DSCAM: variants seen among roughly 807,000 people sequenced by gnomAD.
DSCAM encodes the protein cell adhesion molecule DSCAM.
DSCAM carries 47 observed loss-of-function variants against 217.7 expected under a neutral mutation model. That is an observed-to-expected ratio of 0.22 (90% CI 0.17 to 0.28). The LOEUF (loss-of-function observed/expected upper bound fraction) is 0.28, where lower values mean the gene tolerates loss of function less well. DSCAM is among the 10% of genes least tolerant of loss of function. DSCAM has a pLI of 1.00. For synonymous variants in DSCAM, 1,056 were observed against 1,015.3 expected, an observed-to-expected ratio of 1.04 and a Z score of -0.76; for missense variants, 2,080 against 2,618.3, an observed-to-expected ratio of 0.79 and a Z score of 4.49.
intron 27 of DSCAM, among the ~76,000 whole-genome samples, chr21:40,069,765 A>T (rs1455806374): frequency 6.6e-6 from 1 of 152,212 alleles, no homozygotes; most frequent in Non-Finnish European, 1.5e-5. Flanking sequence ...AGTCTCATAA[A>T]GTAGCTATTT....
At chr21:40,623,973 G>T (rs2089562785) in intron 3 of DSCAM, among the ~76,000 whole-genome samples, 3 of 152,106 alleles carry the variant, frequency 2.0e-5, no homozygotes, top group Admixed American at 1.3e-4. Flanking sequence ...ATTTTTTTCA[G>T]TGAGTTCACT....
intron 11 of DSCAM, among the ~76,000 whole-genome samples, chr21:40,203,621 T>C (rs572079993): frequency 8.5e-5 from 13 of 152,372 alleles, no homozygotes; most frequent in African/African-American, 3.1e-4. Context: ...TTCTGAATCA[T>C]CTATCAAATG....
chr21:40,218,102 G>C (rs1311481172), intron 11 of DSCAM, among the ~76,000 whole-genome samples: 1 of 152,018 alleles, frequency 6.6e-6, no homozygotes, highest in African/African-American at 2.4e-5. Context: ...GTATTGCCTA[G>C]GTTGTCTTCC....
At chr21:40,069,361 A>G (rs2837417) in intron 27 of DSCAM, among the ~76,000 whole-genome samples, 34,392 of 151,952 alleles carry the variant, frequency 0.23, 5,056 homozygotes, top group African/African-American at 0.39. Context: ...TATAGACCAC[A>G]GCTTGCATCC....
intron 1 of DSCAM, among the ~76,000 whole-genome samples, chr21:40,808,590 C>A (rs1437691158): frequency 6.6e-6 from 1 of 151,310 alleles, no homozygotes; most frequent in African/African-American, 2.4e-5. Context: ...CCTCTTGCTT[C>A]AGCCTCCCCA....
intron 19 of DSCAM, among the ~76,000 whole-genome samples, chr21:40,126,728 T>C (rs537437632): frequency 6.6e-6 from 1 of 152,358 alleles, no homozygotes; most frequent in South Asian, 2.1e-4. Flanking sequence ...TGAGCATGCC[T>C]GTGTCACAGC....
intron 32 of DSCAM, among the ~76,000 whole-genome samples, chr21:40,020,809 G>C (rs886838354): frequency 6.6e-6 from 1 of 152,206 alleles, no homozygotes; most frequent in African/African-American, 2.4e-5. Flanking sequence ...GGCTCACAGA[G>C]TCCTGCCTGG....
At chr21:40,555,777 T>A (rs963850468) in intron 3 of DSCAM, among the ~76,000 whole-genome samples, 6 of 152,164 alleles carry the variant, frequency 3.9e-5, no homozygotes, top group Non-Finnish European at 8.8e-5. Context: ...GCACTACAGG[T>A]GTCCACCACC....
chr21:40,109,853 G>A (rs986758102), intron 20 of DSCAM, among the ~76,000 whole-genome samples: 4 of 152,226 alleles, frequency 2.6e-5, no homozygotes, highest in Non-Finnish European at 4.4e-5. Context: ...ACTGCAAGGT[G>A]GCAGTGAAGC....
rs144375477 is a variant in DSCAM at position 40,812,454 on chromosome 21, C to T, written c.43+34165G>A. On this transcript the variant is annotated intron_variant, in intron 1 of 32. Transcript: ENST00000400454. The stretch of plus-strand genomic sequence containing the variant: ...GTGACCCCTGAGCCACAGCTCTCAT[C>T]AAGAAATCACACCATGGCTCCCAAG... 5.0e-3 allele frequency among the ~76,000 whole-genome samples: 758 copies of T among 152,278 alleles called. 3 individuals carry two copies. The highest frequency in any genetic ancestry group is 0.018 in the African/African-American group (731 of 41,544).
At chr21:40,267,666 G>T (rs2073557729) in intron 11 of DSCAM, among the ~76,000 whole-genome samples, 1 of 152,180 alleles carries the variant, frequency 6.6e-6, no homozygotes, top group African/African-American at 2.4e-5. Context: ...GGAGGCTGAG[G>T]CAGGCAGATC....
chr21:40,431,587 A>G (rs914901694), intron 3 of DSCAM, among the ~76,000 whole-genome samples: 3 of 152,220 alleles, frequency 2.0e-5, no homozygotes, highest in African/African-American at 7.2e-5. Flanking sequence ...ATGAATAGTA[A>G]GCATATTTTT....
At chr21:40,701,971 T>G (rs1156574941) in intron 2 of DSCAM, among the ~76,000 whole-genome samples, 1 of 151,432 alleles carries the variant, frequency 6.6e-6, no homozygotes, top group Non-Finnish European at 1.5e-5. Context: ...CATTCACGTG[T>G]TTTTTTGTTC....
intron 3 of DSCAM, among the ~76,000 whole-genome samples, chr21:40,515,950 G>C (rs2076296011): frequency 2.0e-5 from 3 of 151,472 alleles, no homozygotes; most frequent in South Asian, 4.2e-4. Context: ...TTTTTTCATA[G>C]ATAACCCTCA....
At chr21:40,613,192 C>G (rs1421905797) in intron 3 of DSCAM, among the ~76,000 whole-genome samples, 1 of 152,068 alleles carries the variant, frequency 6.6e-6, no homozygotes, top group Non-Finnish European at 1.5e-5. Flanking sequence ...AACATATACT[C>G]TCACCTCATT....
At chr21:40,780,447 A>ATATATATATATATCTC (rs1308722522) in intron 1 of DSCAM, among the ~76,000 whole-genome samples, 1 of 141,508 alleles carries the variant, frequency 7.1e-6, no homozygotes, top group Non-Finnish European at 1.5e-5. Context: ...ATATATATAT[A>ATATATATATATATCTC]TCTCCTGTTA....
intron 11 of DSCAM, among the ~76,000 whole-genome samples, chr21:40,242,231 T>C (rs1442596110): frequency 6.6e-6 from 1 of 151,634 alleles, no homozygotes; most frequent in African/African-American, 2.4e-5. Flanking sequence ...GGATGAACGG[T>C]CAAAATAATC....
In DSCAM at chr21:40,822,888, G is replaced by T. The variant is rs143340851; in HGVS notation, c.43+23731C>A. Among the ~76,000 whole-genome samples, 530 of 152,262 alleles carry T rather than the reference G, an allele frequency of 3.5e-3. 6 individuals carry two copies. Among genetic ancestry groups the T allele is most frequent in the African/African-American group, 0.012 (515 of 41,538 alleles). On this transcript the variant is annotated intron_variant, in intron 1 of 32. Transcript: ENST00000400454. ...ACTTCGGCCTGGCTCAGTGGCTCAT[G>T]CCTGCAATCTCAGCACTTTGGGAGG...
chr21:40,134,967 T>G (rs2090192000), intron 18 of DSCAM, among the ~76,000 whole-genome samples: 1 of 152,074 alleles, frequency 6.6e-6, no homozygotes, highest in Admixed American at 6.6e-5. Context: ...CTTTCAGGAG[T>G]GGGATCAACT....
Sources: allele counts gnomAD v4.1 joint callset (sites outside exome capture counted in the v4.1 genomes callset), GRCh38; gene constraint gnomAD v4.1.1; transcripts MANE v1.5; gene names NCBI Gene and HGNC (gene_info 2026-07-23, HGNC 2026-07-21).